The following WWOX variants were observed in gnomAD, a reference collection of about 807,000 sequenced individuals.
WWOX encodes WW domain containing oxidoreductase.
A neutral mutation model predicts 46.2 loss-of-function variants in WWOX; 69 were observed. The ratio of observed to expected loss-of-function variants is 1.49; its 90% CI spans 1.23 to 1.82. The LOEUF is 1.82. WWOX is among the 40% of genes most tolerant of loss of function. The pLI is 0.00. For synonymous variants in WWOX, 359 were observed against 202.6 expected, an observed-to-expected ratio of 1.77 and a Z score of -6.56; for missense variants, 919 against 542.6, an observed-to-expected ratio of 1.69 and a Z score of -6.89.
At chr16:78,284,953 C>T (rs2079742326) in intron 5 of WWOX, among the ~76,000 whole-genome samples, 1 of 152,176 alleles carries the variant, frequency 6.6e-6, no homozygotes, top group Non-Finnish European at 1.5e-5. Context: ...AAGCGGTCTC[C>T]TCTGCTGTCT....
intron 5 of WWOX, among the ~76,000 whole-genome samples, chr16:78,209,937 A>G (rs936921342): frequency 6.6e-6 from 1 of 152,176 alleles, no homozygotes; most frequent in Non-Finnish European, 1.5e-5. Context: ...TTTCTGAAGA[A>G]TTGCCACACA....
intron 8 of WWOX, among the ~76,000 whole-genome samples, chr16:78,831,775 C>T (rs373268724): frequency 6.6e-5 from 10 of 152,298 alleles, no homozygotes; most frequent in South Asian, 2.1e-4. Flanking sequence ...ATAACTATGA[C>T]CTCCAGAAGC....
At chr16:79,126,451 G>A (rs1268585606) in intron 8 of WWOX, among the ~76,000 whole-genome samples, 2 of 152,130 alleles carry the variant, frequency 1.3e-5, no homozygotes, top group Admixed American at 6.5e-5. Context: ...TGAGTGAGTT[G>A]TCATGAGATC....
At chr16:78,778,097 G>A (rs147727747) in intron 8 of WWOX, among the ~76,000 whole-genome samples, 39 of 151,476 alleles carry the variant, frequency 2.6e-4, no homozygotes, top group African/African-American at 8.7e-4. Flanking sequence ...TGTAGCTATG[G>A]CTGCCTATCC....
Position 78,409,389 on chromosome 16 carries a change from C to A in WWOX, c.606-15481C>A, listed in dbSNP as rs576534589. 1.2e-4 allele frequency among the ~76,000 whole-genome samples: 18 copies of A among 152,166 alleles called. No homozygotes were observed. In the South Asian group the frequency reaches 2.3e-3, roughly 19 times the overall value. Reference sequence around the variant, plus strand: ...AGTCATACCTGCTCCTGACACCTAGCCCCTGGGAACCATTGATCTTTTTTC... The same window carrying A: ...AGTCATACCTGCTCCTGACACCTAGACCCTGGGAACCATTGATCTTTTTTC... On this transcript the variant is annotated intron_variant, in intron 6 of 8. Coordinates refer to ENST00000566780, the MANE Select transcript of WWOX (RefSeq NM_016373.4).
At chr16:78,715,191 G>GA (rs780641811) in intron 8 of WWOX, among the ~76,000 whole-genome samples, 43 of 152,304 alleles carry the variant, frequency 2.8e-4, no homozygotes, top group Non-Finnish European at 4.9e-4. Flanking sequence ...TTATCAGTGA[G>GA]AAAAGAGTTC....
At chr16:78,441,443 G>A (rs766432352) in intron 8 of WWOX, among the ~76,000 whole-genome samples, 8 of 152,142 alleles carry the variant, frequency 5.3e-5, no homozygotes, top group Non-Finnish European at 8.8e-5. Context: ...GTGTAAATAC[G>A]TAAAAGATAA....
chr16:78,642,462 G>A (rs1452849545), intron 8 of WWOX, among the ~76,000 whole-genome samples: 2 of 151,990 alleles, frequency 1.3e-5, no homozygotes, highest in Non-Finnish European at 2.9e-5. Context: ...GGAATCTGTC[G>A]ACTTTACTGA....
At chr16:79,163,336 G>T (rs1012960690) in intron 8 of WWOX, among the ~76,000 whole-genome samples, 1 of 152,080 alleles carries the variant, frequency 6.6e-6, no homozygotes, top group Non-Finnish European at 1.5e-5. Context: ...CTAACTGGGG[G>T]GTCTTGAGGA....
At chr16:78,661,794 TGA>T in intron 8 of WWOX, among the ~76,000 whole-genome samples, 1 of 152,306 alleles carries the variant, frequency 6.6e-6, no homozygotes, top group East Asian at 1.9e-4. Flanking sequence ...CCCAGTGCTT[TGA>T]GAGGCCGAGG....
At chr16:78,515,101 G>C (rs879934025) in intron 8 of WWOX, among the ~76,000 whole-genome samples, 1 of 152,170 alleles carries the variant, frequency 6.6e-6, no homozygotes, top group Non-Finnish European at 1.5e-5. Context: ...GTTCACGCCT[G>C]TAATTGCAGC....
chr16:78,959,569 A>G (rs1215457230), intron 8 of WWOX, among the ~76,000 whole-genome samples: 1 of 152,118 alleles, frequency 6.6e-6, no homozygotes, highest in Non-Finnish European at 1.5e-5. Context: ...CTATCCATCC[A>G]TCTACTTCTA....
chr16:78,809,512 C>G (rs1295288627), intron 8 of WWOX, among the ~76,000 whole-genome samples: 2 of 152,194 alleles, frequency 1.3e-5, no homozygotes, highest in Non-Finnish European at 2.9e-5. Context: ...CTGCCAGCCT[C>G]TGGCAGTATT....
chr16:79,111,296 T>C (rs566172101), intron 8 of WWOX, among the ~76,000 whole-genome samples: 2 of 152,350 alleles, frequency 1.3e-5, no homozygotes, highest in South Asian at 2.1e-4. Context: ...CTTTTTCTCA[T>C]TGTTTCTCTG....
At chr16:78,822,674 G>C (rs1328272534) in intron 8 of WWOX, among the ~76,000 whole-genome samples, 1 of 152,176 alleles carries the variant, frequency 6.6e-6, no homozygotes, top group Admixed American at 6.5e-5. Context: ...CATGATGAGA[G>C]TTACATTGCT....
intron 1 of WWOX, 39 bp downstream of exon 1, chr16:78,099,924 C>G: frequency 1.3e-6 from 2 of 1,545,656 alleles, no homozygotes; most frequent in Middle Eastern, 2.0e-4. Context: ...GCACCTGGGA[C>G]CCTGCACAGC....
At chr16:78,939,265 A>C (rs2045804349) in intron 8 of WWOX, among the ~76,000 whole-genome samples, 1 of 152,174 alleles carries the variant, frequency 6.6e-6, no homozygotes, top group African/African-American at 2.4e-5. Context: ...GATGGATGAA[A>C]GGCAGTACCT....
chr16:79,174,857 A>T (rs1312545012), intron 8 of WWOX, among the ~76,000 whole-genome samples: 1 of 152,240 alleles, frequency 6.6e-6, no homozygotes, highest in Non-Finnish European at 1.5e-5. Context: ...AAGTAGCTTC[A>T]CTTATTGAGC....
intron 8 of WWOX, among the ~76,000 whole-genome samples, chr16:78,976,602 C>G (rs541581398): frequency 6.6e-6 from 1 of 152,134 alleles, no homozygotes; most frequent in Admixed American, 6.5e-5. Flanking sequence ...CATGGCGTTG[C>G]GTTTCCAAGC....
Sources: allele counts gnomAD v4.1 joint callset (sites outside exome capture counted in the v4.1 genomes callset), GRCh38; gene constraint gnomAD v4.1.1; transcripts MANE v1.5; gene names NCBI Gene and HGNC (gene_info 2026-07-23, HGNC 2026-07-21).